SLC25A33: variants seen among roughly 807,000 people sequenced by gnomAD.
The protein encoded by SLC25A33 is solute carrier family 25 member 33.
SLC25A33 carries 15 observed loss-of-function variants against 35.5 expected under a neutral mutation model. That is an observed-to-expected ratio of 0.42 (90% CI 0.28 to 0.65). SLC25A33 has a LOEUF of 0.65. Ranked by LOEUF, SLC25A33 falls within the 30% of genes least tolerant of loss-of-function variation. The pLI is 0.20. For synonymous variants in SLC25A33, 136 were observed against 148.7 expected (o/e 0.91, Z 0.62); for missense variants, 257 against 398.5 (o/e 0.64, Z 3.02).
At chr1:9,567,915 G>A (rs1169765638) in intron 3 of SLC25A33, among the ~76,000 whole-genome samples, 2 of 152,280 alleles carry the variant, frequency 1.3e-5, no homozygotes, top group East Asian at 3.9e-4. Flanking sequence ...TGGCCACATG[G>A]AGCAGTTTAA....
rs764079413 is a variant in SLC25A33, at chr1:9,573,421, T to G, written c.482+9T>G. On this transcript the variant is annotated intron_variant, in intron 5 of 6. Transcript: ENST00000302692. ...ATGCAGCTAGAACAGAAGTAAGTTA[T>G]TATTTGTTCCTTCCTTAATGAAAGG... 1 of 1,608,208 alleles carries G rather than the reference T, an allele frequency of 6.2e-7. No individual in the cohort carries two copies. The highest frequency in any genetic ancestry group is 8.5e-7 in the Non-Finnish European group (1 of 1,175,918).
At chr1:9,544,120 A>G (rs573235958) in intron 1 of SLC25A33, among the ~76,000 whole-genome samples, 1 of 152,100 alleles carries the variant, frequency 6.6e-6, no homozygotes, top group East Asian at 1.9e-4. Context: ...GAAGAAAAAC[A>G]AAAAACAAAA....
chr1:9,547,331 G>A (rs2100371106), intron 1 of SLC25A33, among the ~76,000 whole-genome samples: 1 of 152,194 alleles, frequency 6.6e-6, no homozygotes, highest in African/African-American at 2.4e-5. Flanking sequence ...GCACACATCT[G>A]TAATCACAGC....
rs773961294 is a variant in SLC25A33 at position 9,580,096 on chromosome 1, A to T, written c.625A>T (p.Ser209Cys). The T allele has an allele frequency of 6.2e-7, 1 of 1,612,574 alleles. No homozygotes were observed. The highest frequency in any genetic ancestry group is 1.7e-5 in the Admixed American group (1 of 59,822). ...TATAATCTGCTTTGCTATTTATGAA[A>T]GTTTAAAGAAGTATCTGAAAGAAGC... ...ETIICFAIYE[S>C]LKKYLKEAPL... Residue 209 changes from serine (S) to cysteine (C), a missense_variant, in exon 6 of 7, where the codon AGT (serine) becomes TGT (cysteine). Ser to Cys is a moderately radical substitution (Grantham distance 112, BLOSUM62 -1). Transcript: ENST00000302692.
chr1:9,559,885 A>G (rs1643397278), intron 2 of SLC25A33, among the ~76,000 whole-genome samples: 1 of 152,188 alleles, frequency 6.6e-6, no homozygotes, highest in South Asian at 2.1e-4. Context: ...GAACAAGGGT[A>G]CAGGCTTTTG....
In SLC25A33 at chr1:9,573,138, T is replaced by C. The variant is rs149305273; in HGVS notation, c.416-208T>C. Among the ~76,000 whole-genome samples, 785 of 152,202 alleles carry C rather than the reference T, an allele frequency of 5.2e-3. 8 individuals carry two copies. Among genetic ancestry groups the C allele is most frequent in the African/African-American group, 0.017 (719 of 41,526 alleles). Reference sequence around the variant, plus strand: ...GGGATTCTAGAAAATTAAGAGAAATTTATTTTAGATCCAGCAATACCAATA... The same window carrying C: ...GGGATTCTAGAAAATTAAGAGAAATCTATTTTAGATCCAGCAATACCAATA... On this transcript the variant is annotated intron_variant, in intron 4 of 6. Transcript: ENST00000302692.
chr1:9,567,213 G>GT, intron 2 of SLC25A33, 71 bp from the exon 3 acceptor site: 1 of 1,276,556 alleles, frequency 7.8e-7, no homozygotes, highest in South Asian at 1.3e-5. Flanking sequence ...TAATGAGAAG[G>GT]TTGACTCTTT....
intron 2 of SLC25A33, among the ~76,000 whole-genome samples, chr1:9,557,772 C>T (rs1643367243): frequency 6.6e-6 from 1 of 152,086 alleles, no homozygotes; most frequent in African/African-American, 2.4e-5. Context: ...ATTGCAAAAA[C>T]CACACATTTA....
intron 1 of SLC25A33, among the ~76,000 whole-genome samples, chr1:9,544,746 G>T (rs1643142773): frequency 6.6e-6 from 1 of 152,176 alleles, no homozygotes; most frequent in South Asian, 2.1e-4. Context: ...GATAAGCTGT[G>T]AGCCTGGAAA....
intron 1 of SLC25A33, among the ~76,000 whole-genome samples, chr1:9,546,174 ATTTTTTTTTTTT>A (rs746460317): frequency 3.4e-4 from 34 of 100,522 alleles, no homozygotes; most frequent in East Asian, 3.3e-3. Flanking sequence ...ACACAGAGAA[ATTTTTTTTTTTT>A]TTTTTTTTTT....
At chr1:9,553,499 C>T (rs761534052) in intron 1 of SLC25A33, 127 bp from the exon 2 acceptor site, 2 of 960,340 alleles carry the variant, frequency 2.1e-6, no homozygotes, top group Non-Finnish European at 3.1e-6. Flanking sequence ...TCCCAAAGTG[C>T]TGGGATTACA....
chr1:9,580,234 G>A lies in SLC25A33; in HGVS notation c.763G>A (p.Glu255Lys), dbSNP rs201248559. 9.6e-5 allele frequency: 155 copies of A among 1,610,420 alleles called. No individual in the cohort carries two copies. The highest frequency in any genetic ancestry group is 1.2e-4 in the Non-Finnish European group (147 of 1,178,656). The change falls in exon 6 of 7, where the codon GAA becomes AAA. Residue 255 changes from glutamate to lysine, a missense_variant and splice_region_variant. Physicochemically the swap from Glu to Lys is moderately conservative, Grantham distance 56. Transcript: ENST00000302692. Reference protein sequence around the residue: ...GCASCIAYPHEVIRTRLREEG... With the variant: ...GCASCIAYPHKVIRTRLREEG... ...TGCCTCCTGCATTGCTTATCCACAC[G>A]GTATGTTTTGCTTTTGTTCTTCCAG...
rs538304938 is a variant in SLC25A33 at position 9,582,129 on chromosome 1, G to A, written c.764-170G>A. Among the ~76,000 whole-genome samples the A allele has an allele frequency of 6.6e-6, 1 of 152,184 alleles. No individual in the cohort carries two copies. The highest frequency in any genetic ancestry group is 2.4e-5 in the African/African-American group (1 of 41,504). The stretch of plus-strand genomic sequence containing the variant: ...GGGTTTCACCATGTTGGCCAGGCTG[G>A]TCTCCAACTCCTGGCCTCAAGTGAT... On this transcript the variant is annotated intron_variant, in intron 6 of 6. Coordinates refer to ENST00000302692, the MANE Select transcript of SLC25A33 (RefSeq NM_032315.3). This position sits in a 1 kb window ranked among gnomAD's most constrained non-coding sequence, Gnocchi z 4.0.
intron 6 of SLC25A33, among the ~76,000 whole-genome samples, chr1:9,581,043 C>A (rs945792766): frequency 1.3e-5 from 2 of 152,104 alleles, no homozygotes; most frequent in African/African-American, 4.8e-5. Context: ...TTTTCATAAG[C>A]CTTCTGTACT....
At chr1:9,580,906 CTA>C (rs1241863412) in intron 6 of SLC25A33, among the ~76,000 whole-genome samples, 1 of 150,264 alleles carries the variant, frequency 6.7e-6, no homozygotes, top group Non-Finnish European at 1.5e-5. Context: ...CATTCAGCCT[CTA>C]TTTCTAATGG....
At chr1:9,548,174 A>G (rs796760837) in intron 1 of SLC25A33, among the ~76,000 whole-genome samples, 38 of 152,160 alleles carry the variant, frequency 2.5e-4, no homozygotes, top group African/African-American at 8.2e-4. Flanking sequence ...GTGCCCAGCC[A>G]TGGCCTTCAA....
intron 2 of SLC25A33, among the ~76,000 whole-genome samples, chr1:9,559,149 C>T (rs751618769): frequency 3.3e-5 from 5 of 152,286 alleles, no homozygotes; most frequent in South Asian, 2.1e-4. Flanking sequence ...GCAAACTCTC[C>T]GCAACACTCC....
chr1:9,585,064 T>C lies in SLC25A33; in HGVS notation c.*2563T>C, dbSNP rs919472061. 2 of 152,230 alleles carry C rather than the reference T, an allele frequency of 1.3e-5. No individual in the cohort carries two copies. The highest frequency in any genetic ancestry group is 2.4e-5 in the African/African-American group (1 of 41,456). 9.4% of individuals were successfully genotyped at this position (152,230 alleles called of 1,614,324 possible). ...TATTCGATGATGGCACTTAGCAACATCCTCCTATATCCATATTAAAACCTG... is the reference window on the plus strand; with the variant it reads ...TATTCGATGATGGCACTTAGCAACACCCTCCTATATCCATATTAAAACCTG... On this transcript the variant is annotated 3_prime_UTR_variant, in exon 7 of 7. Transcript: ENST00000302692.
At chr1:9,555,300 A>T (rs1395913402) in intron 2 of SLC25A33, among the ~76,000 whole-genome samples, 1 of 151,648 alleles carries the variant, frequency 6.6e-6, no homozygotes, top group Non-Finnish European at 1.5e-5. Context: ...TTGTATTTTT[A>T]GTAGAGACGG....
Sources: allele counts gnomAD v4.1 joint callset (sites outside exome capture counted in the v4.1 genomes callset), GRCh38; gene constraint gnomAD v4.1.1; non-coding constraint Gnocchi (gnomAD v3.1); transcripts MANE v1.5; gene names NCBI Gene and HGNC (gene_info 2026-07-23, HGNC 2026-07-21).